Variants in IMMP2L observed in about 807,000 individuals in gnomAD.
IMMP2L encodes mitochondrial inner membrane protease subunit 2.
A neutral mutation model predicts 19.3 loss-of-function variants in IMMP2L; 18 were observed. The observed-to-expected ratio is 0.93, with a 90% CI of 0.64 to 1.38. IMMP2L has a LOEUF of 1.38. Ranked by LOEUF, IMMP2L falls within the 40% of genes most tolerant of loss-of-function variation. IMMP2L has a pLI of 0.00. For synonymous variants in IMMP2L, 76 were observed against 73.0 expected (o/e 1.04, Z -0.21); for missense variants, 233 against 218.2 (o/e 1.07, Z -0.43).
intron 4 of IMMP2L, among the ~76,000 whole-genome samples, chr7:110,947,647 C>T (rs1055570727): frequency 3.3e-5 from 5 of 152,146 alleles, no homozygotes; most frequent in Admixed American, 6.5e-5. Flanking sequence ...CTACTAAACT[C>T]CATTCCAGTA....
intron 5 of IMMP2L, among the ~76,000 whole-genome samples, chr7:110,704,390 A>G (rs562524709): frequency 6.6e-6 from 1 of 152,356 alleles, no homozygotes; most frequent in African/African-American, 2.4e-5. Flanking sequence ...CACACCTATT[A>G]AACAATGCAA....
At chr7:111,550,621 A>C (rs921214394) in intron 1 of IMMP2L, among the ~76,000 whole-genome samples, 6 of 152,186 alleles carry the variant, frequency 3.9e-5, no homozygotes, top group African/African-American at 1.4e-4. Flanking sequence ...CCTAAAAAAA[A>C]GTCTATTTTA....
intron 5 of IMMP2L, among the ~76,000 whole-genome samples, chr7:110,741,997 G>A (rs1199030373): frequency 3.9e-5 from 6 of 152,116 alleles, no homozygotes; most frequent in Admixed American, 6.6e-5. Flanking sequence ...TCTATTGAGG[G>A]AAAGTCTATG....
chr7:111,102,220 T>A (rs2129580386), intron 3 of IMMP2L, among the ~76,000 whole-genome samples: 1 of 151,692 alleles, frequency 6.6e-6, no homozygotes, highest in Admixed American at 6.6e-5. Flanking sequence ...ACCCAGTGGG[T>A]ATTTCATAGC....
chr7:111,493,144 T>C (rs1585336274), intron 2 of IMMP2L, among the ~76,000 whole-genome samples: 1 of 152,290 alleles, frequency 6.6e-6, no homozygotes. Context: ...AAACATATTC[T>C]AGATAAGTAT....
At chr7:111,208,957 T>C (rs1278097530) in intron 3 of IMMP2L, among the ~76,000 whole-genome samples, 2 of 152,196 alleles carry the variant, frequency 1.3e-5, no homozygotes, top group Admixed American at 6.5e-5. Flanking sequence ...ACACATGCTG[T>C]AAACGTTCAA....
At chr7:111,550,313 G>A (rs1849331197) in intron 1 of IMMP2L, among the ~76,000 whole-genome samples, 1 of 152,106 alleles carries the variant, frequency 6.6e-6, no homozygotes, top group Admixed American at 6.6e-5. Flanking sequence ...AGGGAGGGAT[G>A]AATAAGCACA....
intron 5 of IMMP2L, among the ~76,000 whole-genome samples, chr7:110,865,125 A>G (rs1025701142): frequency 2.0e-5 from 3 of 151,884 alleles, no homozygotes; most frequent in African/African-American, 7.3e-5. Context: ...AACTTTACCT[A>G]TTTTCTGTAT....
At chr7:111,389,756 T>C (rs1197255339) in intron 3 of IMMP2L, among the ~76,000 whole-genome samples, 1 of 152,112 alleles carries the variant, frequency 6.6e-6, no homozygotes, top group Non-Finnish European at 1.5e-5. Flanking sequence ...TGGCCTTAAA[T>C]GCCCATATAA....
intron 1 of IMMP2L, among the ~76,000 whole-genome samples, chr7:111,535,542 G>C (rs910735927): frequency 2.4e-4 from 36 of 152,092 alleles, no homozygotes; most frequent in Admixed American, 2.2e-3. Context: ...ACAAGGGAGT[G>C]AATTAAACAG....
intron 3 of IMMP2L, among the ~76,000 whole-genome samples, chr7:110,999,219 A>G (rs1823366417): frequency 6.6e-6 from 1 of 151,670 alleles, no homozygotes; most frequent in Non-Finnish European, 1.5e-5. Flanking sequence ...CTGAGTTTAG[A>G]TTATTGTTTG....
chr7:111,494,496 G>C (rs1843413807), intron 2 of IMMP2L, among the ~76,000 whole-genome samples: 1 of 152,146 alleles, frequency 6.6e-6, no homozygotes, highest in African/African-American at 2.4e-5. Flanking sequence ...CTATTTCTCT[G>C]CTTCTACCAT....
At chr7:111,500,255 G>A (rs1448425252) in intron 2 of IMMP2L, among the ~76,000 whole-genome samples, 4 of 152,168 alleles carry the variant, frequency 2.6e-5, no homozygotes. Context: ...GCGAGGCTGG[G>A]GAAGGGGCGC....
At chr7:111,097,350 A>C (rs1192423315) in intron 3 of IMMP2L, 1 of 151,940 alleles carries the variant, frequency 6.6e-6, no homozygotes, top group African/African-American at 2.4e-5. Flanking sequence ...TATTTTAACT[A>C]TAGAAGACAT....
chr7:110,946,762 C>A (rs1441616823), intron 4 of IMMP2L, among the ~76,000 whole-genome samples: 3 of 140,314 alleles, frequency 2.1e-5, no homozygotes, highest in African/African-American at 8.2e-5. Flanking sequence ...GCTCTGTCAC[C>A]CAGGCTGGAG....
intron 5 of IMMP2L, among the ~76,000 whole-genome samples, chr7:110,818,300 G>A (rs1411499799): frequency 1.3e-5 from 2 of 152,044 alleles, no homozygotes; most frequent in South Asian, 2.1e-4. Flanking sequence ...ACAAGTGGGC[G>A]AAGGATATGA....
intron 5 of IMMP2L, among the ~76,000 whole-genome samples, chr7:110,768,664 T>C (rs2131009179): frequency 6.6e-6 from 1 of 152,308 alleles, no homozygotes; most frequent in East Asian, 1.9e-4. Flanking sequence ...CCGCTTATCC[T>C]ATGGACCTCT....
chr7:110,946,966 T>C (rs1377585962), intron 4 of IMMP2L, among the ~76,000 whole-genome samples: 2 of 152,096 alleles, frequency 1.3e-5, no homozygotes, highest in African/African-American at 4.8e-5. Context: ...GTGATCTGCC[T>C]GCTTCGGCCT....
At chr7:110,912,918 G>A (rs75707345) in intron 4 of IMMP2L, among the ~76,000 whole-genome samples, 2,647 of 152,020 alleles carry the variant, frequency 0.017, 34 homozygotes, top group Admixed American at 0.031. Flanking sequence ...CCAGTATGCA[G>A]AATGGCAGAA....
Sources: gnomAD v4.1 joint callset for allele counts (sites outside exome capture counted in the v4.1 genomes callset) on GRCh38, gnomAD v4.1.1 for gene constraint, MANE v1.5 for transcripts, NCBI Gene and HGNC (gene_info 2026-07-23, HGNC 2026-07-21) for gene names.